The following LAPTM4B variants were observed in gnomAD, a reference collection of about 807,000 sequenced individuals.
LAPTM4B encodes the protein lysosomal protein transmembrane 4 beta.
LAPTM4B carries 26 observed loss-of-function variants against 28.5 expected under a neutral mutation model. The ratio of observed to expected loss-of-function variants is 0.91; its 90% CI spans 0.67 to 1.27. The LOEUF is 1.27. Ranked by LOEUF, LAPTM4B falls within the 50% of genes most tolerant of loss-of-function variation. The pLI, the probability that LAPTM4B is intolerant of heterozygous loss-of-function variation, is 0.00. For missense variants in LAPTM4B, 288 were observed against 285.8 expected (o/e 1.01, Z -0.06); for synonymous variants, 109 against 106.4 (o/e 1.02, Z -0.15).
chr8:97,824,881 A>C (rs1817070043), intron 5 of LAPTM4B, among the ~76,000 whole-genome samples, 177 bp from the exon 6 acceptor site: 1 of 151,942 alleles, frequency 6.6e-6, no homozygotes, highest in Non-Finnish European at 1.5e-5. Context: ...TTGTGCCAAG[A>C]AGTTACTATA....
chr8:97,785,164 C>T (rs1363386460), intron 1 of LAPTM4B, among the ~76,000 whole-genome samples: 1 of 151,624 alleles, frequency 6.6e-6, no homozygotes, highest in African/African-American at 2.4e-5. Flanking sequence ...CGGTTCCCTG[C>T]AACCTCCACC....
intron 5 of LAPTM4B, among the ~76,000 whole-genome samples, chr8:97,819,736 T>C (rs1449123059): frequency 7.8e-6 from 1 of 128,858 alleles, no homozygotes; most frequent in Non-Finnish European, 1.6e-5. Context: ...CCTTTTTTTT[T>C]TTTTTTTTTT....
At chr8:97,779,482 CAAAAAA>C in intron 1 of LAPTM4B, among the ~76,000 whole-genome samples, 1 of 149,038 alleles carries the variant, frequency 6.7e-6, no homozygotes, top group Admixed American at 6.7e-5. Flanking sequence ...GACTCTGTCT[CAAAAAA>C]AGAAAAAAAA....
chr8:97,807,167 G>A (rs895930226), intron 2 of LAPTM4B, among the ~76,000 whole-genome samples: 3 of 152,316 alleles, frequency 2.0e-5, no homozygotes, highest in South Asian at 2.1e-4. Flanking sequence ...TGACACCGCC[G>A]TGTGTTGAAG....
At chr8:97,789,858 C>T (rs1222395270) in intron 1 of LAPTM4B, among the ~76,000 whole-genome samples, 3 of 152,108 alleles carry the variant, frequency 2.0e-5, no homozygotes, top group African/African-American at 4.8e-5. Flanking sequence ...CCTTCTGCCT[C>T]GTCACTCCCC....
chr8:97,802,262 T>C (rs2331584), intron 1 of LAPTM4B, among the ~76,000 whole-genome samples: 67,445 of 151,884 alleles, frequency 0.44, 15,461 homozygotes, highest in East Asian at 0.57. Flanking sequence ...CTGATAATAC[T>C]ATAATTATTT....
chr8:97,776,635 G>A (rs1252247925), intron 1 of LAPTM4B, among the ~76,000 whole-genome samples: 2 of 152,088 alleles, frequency 1.3e-5, no homozygotes, highest in African/African-American at 4.8e-5. Context: ...GCCGTCGCAC[G>A]TTCGGATCCC....
chr8:97,790,149 T>C (rs916376144), intron 1 of LAPTM4B, among the ~76,000 whole-genome samples: 2 of 151,408 alleles, frequency 1.3e-5, no homozygotes, highest in African/African-American at 2.4e-5. Flanking sequence ...ATCTTGGCTA[T>C]TGTGAATAGT....
rs117364277 is a variant in LAPTM4B, at chr8:97,824,876, C to T, written c.508-182C>T. On this transcript the variant is annotated intron_variant, in intron 5 of 6. Coordinates refer to ENST00000521545, the MANE Select transcript of LAPTM4B (RefSeq NM_018407.6). ...AATACGGCTCCAGTAGCACATTGTG[C>T]CAAGAAGTTACTATACCCAACATTT... is the stretch of plus-strand genomic sequence containing the variant. Among the ~76,000 whole-genome samples, 291 of 151,578 alleles carry T rather than the reference C, an allele frequency of 1.9e-3. 5 individuals are homozygous for T. The East Asian group carries it at 0.028, about 15-fold the overall frequency.
At chr8:97,802,020 T>G (rs1279136417) in intron 1 of LAPTM4B, among the ~76,000 whole-genome samples, 2 of 152,192 alleles carry the variant, frequency 1.3e-5, no homozygotes, top group African/African-American at 4.8e-5. Context: ...TCACACTGTT[T>G]AAAATGTGCT....
intron 6 of LAPTM4B, among the ~76,000 whole-genome samples, chr8:97,843,828 A>G (rs1273726066): frequency 6.7e-6 from 1 of 148,514 alleles, no homozygotes; most frequent in Non-Finnish European, 1.5e-5. Context: ...ATTTGCTTAC[A>G]AAACAGTTGC....
chr8:97,775,903 A>C lies in LAPTM4B; in HGVS notation c.-107A>C, dbSNP rs771404431. ...CGGGCGCACGGGCGAGCGGGCCGGG[A>C]GCCGGAGCGGCGGAGGAGCCGGCAG... On this transcript the variant is annotated 5_prime_UTR_variant, in exon 1 of 7. Transcript: ENST00000521545. The C allele has an allele frequency of 1.4e-6, 2 of 1,448,048 alleles. No individual in the cohort carries two copies. Among genetic ancestry groups the C allele is most frequent in the South Asian group, 2.7e-5 (2 of 73,330 alleles). The allele number at this position is 1,448,048 out of a possible 1,614,324, so 89.7% of individuals were successfully genotyped here. A position where few individuals can be genotyped will look rare whatever the true frequency, so the allele number is the denominator to read the frequency against.
intron 1 of LAPTM4B, among the ~76,000 whole-genome samples, chr8:97,801,271 C>T (rs1163478556): frequency 3.3e-5 from 5 of 151,464 alleles, no homozygotes; most frequent in Admixed American, 6.6e-5. Context: ...CTCCGCCCCC[C>T]ACTGGGTTCA....
intron 2 of LAPTM4B, among the ~76,000 whole-genome samples, chr8:97,811,718 A>G (rs950062901): frequency 6.6e-6 from 1 of 152,166 alleles, no homozygotes; most frequent in African/African-American, 2.4e-5. Flanking sequence ...GCTTGTGCAT[A>G]AAGATCCTGA....
intron 4 of LAPTM4B, among the ~76,000 whole-genome samples, chr8:97,817,174 C>T (rs1028345950): frequency 1.3e-5 from 2 of 151,922 alleles, no homozygotes; most frequent in Admixed American, 6.6e-5. Flanking sequence ...CTCTGTCACC[C>T]AGGCTGGAGT....
rs1817284432 is a variant in LAPTM4B at position 97,837,758 on chromosome 8, AG to A, written c.603+12608del. Among the ~76,000 whole-genome samples the A allele has an allele frequency of 2.6e-5, 4 of 151,352 alleles. No individual in the cohort carries two copies. In the South Asian group the frequency reaches 6.3e-4, roughly 24 times the overall value. On this transcript the variant is annotated intron_variant, in intron 6 of 6. Coordinates refer to ENST00000521545, the MANE Select transcript of LAPTM4B (RefSeq NM_018407.6). ...GAACCAGAGGGCCCAGGGGACGGTG[AG>A]GGTAGAAGGGGAGAGAAAGAAGATT...
chr8:97,837,491 C>A (rs1270591271), intron 6 of LAPTM4B, among the ~76,000 whole-genome samples: 1 of 152,138 alleles, frequency 6.6e-6, no homozygotes, highest in Non-Finnish European at 1.5e-5. Context: ...GTTATTACTT[C>A]CGAGTATAGT....
chr8:97,851,684 G>A lies in LAPTM4B; in HGVS notation c.*210G>A. The A allele has an allele frequency of 1.7e-6, 1 of 584,324 alleles. No homozygotes were observed. The highest frequency in any genetic ancestry group is 2.1e-5 in the South Asian group (1 of 47,552). 36.2% of individuals were successfully genotyped at this position (584,324 alleles called of 1,614,324 possible). On this transcript the variant is annotated 3_prime_UTR_variant, in exon 7 of 7. Coordinates refer to ENST00000521545, the MANE Select transcript of LAPTM4B (RefSeq NM_018407.6). Reference sequence around the variant, plus strand: ...ATAGATTAACTGTAGAATTCTTCCTGTACGATTGGGGATATAATGGGCTTC... The same window carrying A: ...ATAGATTAACTGTAGAATTCTTCCTATACGATTGGGGATATAATGGGCTTC...
chr8:97,850,489 T>TGTGTGTGTATGTGTGTGTGTGTG (rs1392987129), intron 6 of LAPTM4B, among the ~76,000 whole-genome samples: 1 of 151,146 alleles, frequency 6.6e-6, no homozygotes, highest in South Asian at 2.1e-4. Context: ...TGTGTGTGTG[T>TGTGTGTGTATGTGTGTGTGTGTG]TTGGGAGAGT....
Sources: allele counts gnomAD v4.1 joint callset (sites outside exome capture counted in the v4.1 genomes callset), GRCh38; gene constraint gnomAD v4.1.1; transcripts MANE v1.5; gene names NCBI Gene and HGNC (gene_info 2026-07-23, HGNC 2026-07-21).